THBS4: variants seen among roughly 807,000 people sequenced by gnomAD.
THBS4 encodes thrombospondin-4.
THBS4 carries 90 observed loss-of-function variants against 115.7 expected under a neutral mutation model. That is an observed-to-expected ratio of 0.78 (90% confidence interval 0.66 to 0.93). The LOEUF (loss-of-function observed/expected upper bound fraction) is 0.93, where lower values mean the gene tolerates loss of function less well. Among genes scored for constraint, THBS4 ranks in the 40% least tolerant of loss-of-function variants. The pLI is 0.00. For missense variants in THBS4, 1,087 were observed against 1,232.7 expected (o/e 0.88, Z 1.77); for synonymous variants, 460 against 479.3 (o/e 0.96, Z 0.53).
chr5:80,052,331 G>A (rs1055055112), intron 2 of THBS4: 8 of 152,040 alleles, frequency 5.3e-5, no homozygotes, highest in African/African-American at 1.9e-4. Flanking sequence ...AGGGGTACAT[G>A]TGAATTCTCA....
chr5:80,073,336 T>C lies in THBS4; in HGVS notation c.1892+9T>C, dbSNP rs556086625. On this transcript the variant is annotated intron_variant, in intron 15 of 21. Coordinates refer to ENST00000350881, the MANE Select transcript of THBS4 (RefSeq NM_003248.6). ...GACACCAATCAGGACAGGTATGGCA[T>C]GTCTCCCAACTGCAGAGAGACAGAT... 3 of 1,613,684 alleles carry C rather than the reference T, an allele frequency of 1.9e-6. No individual in the cohort carries two copies. The highest frequency in any genetic ancestry group is 3.3e-5 in the Admixed American group (2 of 60,008).
intron 2 of THBS4, among the ~76,000 whole-genome samples, chr5:80,052,012 G>A (rs1430546191): frequency 6.6e-6 from 1 of 152,206 alleles, no homozygotes; most frequent in Non-Finnish European, 1.5e-5. Context: ...AACAGAGGTA[G>A]TGGCCATAAC....
intron 2 of THBS4, among the ~76,000 whole-genome samples, chr5:80,005,371 G>T (rs1478782002): frequency 6.6e-6 from 1 of 152,140 alleles, no homozygotes; most frequent in Admixed American, 6.5e-5. Context: ...CATAGTTAAA[G>T]GTTAATTTAA....
At chr5:80,010,026 A>T (rs1223077187) in intron 2 of THBS4, among the ~76,000 whole-genome samples, 2 of 152,106 alleles carry the variant, frequency 1.3e-5, no homozygotes, top group Non-Finnish European at 2.9e-5. Flanking sequence ...CCAGCTACTC[A>T]AGAGGCTGAA....
chr5:80,033,542 T>C (rs1457812252), upstream of THBS4, among the ~76,000 whole-genome samples: 1 of 152,156 alleles, frequency 6.6e-6, no homozygotes, highest in African/African-American at 2.4e-5. Flanking sequence ...ATGCATCCAT[T>C]CAGGTCACAG....
intron 20 of THBS4, chr5:80,082,059 A>G (rs1337746903): frequency 2.8e-5 from 6 of 217,684 alleles, no homozygotes; most frequent in Admixed American, 1.6e-4. Flanking sequence ...AAGACACAAA[A>G]CTTTCTCACT....
chr5:80,045,900 C>T (rs917344630), intron 2 of THBS4, among the ~76,000 whole-genome samples: 2 of 152,150 alleles, frequency 1.3e-5, no homozygotes, highest in Non-Finnish European at 2.9e-5. Context: ...TTAACTTTCA[C>T]AATATTCCTA....
intron 2 of THBS4, among the ~76,000 whole-genome samples, chr5:80,042,165 G>A (rs564399620): frequency 2.0e-5 from 3 of 152,164 alleles, no homozygotes; most frequent in African/African-American, 2.4e-5. Context: ...TGGGTCAACC[G>A]TTCCTGTCCC....
intron 2 of THBS4, among the ~76,000 whole-genome samples, chr5:80,001,493 C>T (rs1428475122): frequency 1.3e-5 from 2 of 152,310 alleles, no homozygotes; most frequent in Non-Finnish European, 1.5e-5. Context: ...AACACAGTAA[C>T]GTCCACTCTT....
chr5:80,026,730 C>T lies in THBS4; in HGVS notation n.178-13347C>T, dbSNP rs138675089. On this transcript the variant is annotated intron_variant and non_coding_transcript_variant, in intron 2 of 3. Transcript: ENST00000510218. The stretch of plus-strand genomic sequence containing the variant: ...TCTTAGCTCACTGATCCTATAAAAA[C>T]AAGCAGTGGGCCAGATTCAGCCTAT... Among the ~76,000 whole-genome samples, 910 of 152,338 alleles carry T rather than the reference C, an allele frequency of 6.0e-3. 2 individuals carry two copies. Among genetic ancestry groups the T allele is most frequent in the South Asian group, 0.016 (75 of 4,830 alleles).
chr5:80,032,736 C>T (rs1345908698), upstream of THBS4, among the ~76,000 whole-genome samples: 1 of 152,216 alleles, frequency 6.6e-6, no homozygotes, highest in Non-Finnish European at 1.5e-5. Flanking sequence ...CTTCCGTCTT[C>T]TCCTGCCTGC....
intron 15 of THBS4, 136 bp from the exon 16 acceptor site, chr5:80,076,719 T>C: frequency 1.2e-6 from 1 of 819,390 alleles, no homozygotes; most frequent in South Asian, 3.5e-5. Flanking sequence ...TCTAAGGGAA[T>C]GACCCCAGTG....
chr5:80,015,916 G>A (rs557946839), intron 2 of THBS4, among the ~76,000 whole-genome samples: 1 of 152,182 alleles, frequency 6.6e-6, no homozygotes, highest in Non-Finnish European at 1.5e-5. Context: ...CAAACTGCAC[G>A]GAAGCCAATT....
In THBS4 at chr5:80,042,630, G is replaced by A. The variant is rs551980555; in HGVS notation, c.292+2350G>A. On this transcript the variant is annotated intron_variant, in intron 2 of 21. Transcript: ENST00000350881. Reference sequence around the variant, plus strand: ...GCAGTAGGTAGAGGGTAAGGGGATCGTTAGTATGTTTCCTCTGAAGAATCA... The same window carrying A: ...GCAGTAGGTAGAGGGTAAGGGGATCATTAGTATGTTTCCTCTGAAGAATCA... 3.9e-5 allele frequency among the ~76,000 whole-genome samples: 6 copies of A among 152,314 alleles called. No homozygotes were observed. The South Asian group carries it at 8.3e-4, about 21-fold the overall frequency.
intron 2 of THBS4, among the ~76,000 whole-genome samples, chr5:80,025,017 G>C (rs1210390410): frequency 2.6e-5 from 4 of 152,100 alleles, no homozygotes; most frequent in African/African-American, 9.7e-5. Context: ...TATAACTATA[G>C]TACCTGCTGA....
chr5:80,037,261 G>T (rs1311243470), intron 1 of THBS4, among the ~76,000 whole-genome samples: 3 of 151,848 alleles, frequency 2.0e-5, no homozygotes, highest in African/African-American at 7.3e-5. Context: ...AAATTATCTG[G>T]GTAATTTAGT....
intron 1 of THBS4, among the ~76,000 whole-genome samples, chr5:80,038,347 A>G (rs1832783116): frequency 6.6e-6 from 1 of 152,176 alleles, no homozygotes; most frequent in Non-Finnish European, 1.5e-5. Flanking sequence ...TTAATGTATC[A>G]TGAACATCTT....
chr5:80,044,286 A>C (rs926350731), intron 2 of THBS4, among the ~76,000 whole-genome samples: 1 of 152,218 alleles, frequency 6.6e-6, no homozygotes, highest in East Asian at 1.9e-4. Context: ...TGCCTTGTAC[A>C]TAGAAGTAGT....
At chr5:80,018,496 T>C (rs775884875) in intron 2 of THBS4, among the ~76,000 whole-genome samples, 19 of 149,792 alleles carry the variant, frequency 1.3e-4, no homozygotes, top group Admixed American at 7.3e-4. Flanking sequence ...CTGGGTTCAA[T>C]TGATTCTCCT....
Sources: allele counts gnomAD v4.1 joint callset (sites outside exome capture counted in the v4.1 genomes callset), GRCh38; gene constraint gnomAD v4.1.1; transcripts MANE v1.5; gene names NCBI Gene and HGNC (gene_info 2026-07-23, HGNC 2026-07-21).